FGD4: variants seen among roughly 807,000 people sequenced by gnomAD.
FGD4 encodes the protein FYVE, RhoGEF and PH domain containing 4.
FGD4 carries 42 observed loss-of-function variants against 102.0 expected under a neutral mutation model. The observed-to-expected ratio is 0.41, with a 90% CI of 0.32 to 0.53. The LOEUF (loss-of-function observed/expected upper bound fraction) is 0.53. Among genes scored for constraint, FGD4 ranks in the 20% least tolerant of loss-of-function variants. The pLI, the probability that FGD4 is intolerant of heterozygous loss-of-function variation, is 0.21. For synonymous variants in FGD4, 380 were observed against 375.7 expected (o/e 1.01, Z -0.13); for missense variants, 902 against 1,078.2 (o/e 0.84, Z 2.29).
intron 1 of FGD4, among the ~76,000 whole-genome samples, chr12:32,455,838 A>C (rs541011724): frequency 3.7e-4 from 57 of 152,284 alleles, no homozygotes; most frequent in Admixed American, 3.3e-3. Flanking sequence ...GCTATAAATG[A>C]ATTAAATAAT....
intron 4 of FGD4, among the ~76,000 whole-genome samples, chr12:32,591,495 A>G (rs768912469): frequency 6.6e-6 from 1 of 152,216 alleles, no homozygotes; most frequent in Non-Finnish European, 1.5e-5. Flanking sequence ...GGAAATCATA[A>G]TTGTTTTTAG....
chr12:32,515,661 T>C (rs1939812284), intron 1 of FGD4, among the ~76,000 whole-genome samples: 1 of 152,250 alleles, frequency 6.6e-6, no homozygotes. Flanking sequence ...TGCACTGACA[T>C]TGAGCATTGC....
chr12:32,483,567 A>G (rs949688161), intron 1 of FGD4, among the ~76,000 whole-genome samples: 11 of 152,222 alleles, frequency 7.2e-5, no homozygotes, highest in African/African-American at 2.7e-4. Context: ...CATACTCATG[A>G]GGATCCTTCT....
intron 2 of FGD4, among the ~76,000 whole-genome samples, chr12:32,568,953 A>T (rs1156873084): frequency 6.6e-6 from 1 of 152,158 alleles, no homozygotes; most frequent in Non-Finnish European, 1.5e-5. Flanking sequence ...AGAGATCTCA[A>T]ATTTAGTGTA....
intron 1 of FGD4, among the ~76,000 whole-genome samples, chr12:32,512,134 G>T (rs947880658): frequency 2.0e-5 from 3 of 152,042 alleles, no homozygotes; most frequent in African/African-American, 7.2e-5. Flanking sequence ...GAAAGTTGTG[G>T]CTTGAGGGCT....
chr12:32,527,602 G>T (rs1053719338), intron 1 of FGD4, among the ~76,000 whole-genome samples: 1 of 152,042 alleles, frequency 6.6e-6, no homozygotes, highest in African/African-American at 2.4e-5. Flanking sequence ...GCTAATTTTT[G>T]TATTTTTAGT....
At chr12:32,436,911 A>G (rs979033146) in intron 1 of FGD4, among the ~76,000 whole-genome samples, 2 of 152,172 alleles carry the variant, frequency 1.3e-5, no homozygotes, top group African/African-American at 4.8e-5. Flanking sequence ...TGAGATCAGG[A>G]GTTCGAGACC....
intron 1 of FGD4, among the ~76,000 whole-genome samples, chr12:32,481,127 C>CAAAA (rs1157108520): frequency 0.11 from 2,958 of 27,332 alleles, 1,017 homozygotes; most frequent in Non-Finnish European, 0.14. Flanking sequence ...GACTCCGTCT[C>CAAAA]AAAAAAAAAA....
chr12:32,421,689 T>C (rs1352902977), intron 1 of FGD4, among the ~76,000 whole-genome samples: 2 of 152,206 alleles, frequency 1.3e-5, no homozygotes, highest in African/African-American at 4.8e-5. Context: ...AAGGACTCCT[T>C]TCTTCTGCTG....
At chr12:32,520,239 A>G (rs952111726) in intron 1 of FGD4, among the ~76,000 whole-genome samples, 3 of 149,730 alleles carry the variant, frequency 2.0e-5, no homozygotes, top group South Asian at 2.1e-4. Flanking sequence ...AAATTGCTGT[A>G]TTGTGAAATA....
chr12:32,610,701 A>T, intron 8 of FGD4, 75 bp from the exon 9 acceptor site: 1 of 1,336,100 alleles, frequency 7.5e-7, no homozygotes, highest in Non-Finnish European at 1.1e-6. Context: ...TTCTTAATTT[A>T]GTAAGTTACT....
chr12:32,415,634 G>A (rs897150447), intron 1 of FGD4, among the ~76,000 whole-genome samples: 4 of 152,046 alleles, frequency 2.6e-5, no homozygotes, highest in Admixed American at 6.6e-5. Context: ...TATTAGCCAG[G>A]ATTGTCTTGA....
chr12:32,525,398 AC>A (rs1941038347), intron 1 of FGD4, among the ~76,000 whole-genome samples: 1 of 152,256 alleles, frequency 6.6e-6, no homozygotes, highest in Admixed American at 6.5e-5. Context: ...ACTATATGTA[AC>A]TGGAATTGTA....
At chr12:32,454,124 A>G (rs1942887472) in intron 1 of FGD4, among the ~76,000 whole-genome samples, 1 of 152,164 alleles carries the variant, frequency 6.6e-6, no homozygotes, top group Admixed American at 6.5e-5. Flanking sequence ...AATTCCTGAT[A>G]GCATTGAGGA....
chr12:32,592,801 T>G (rs961322831), intron 4 of FGD4, among the ~76,000 whole-genome samples: 5 of 152,216 alleles, frequency 3.3e-5, no homozygotes, highest in South Asian at 2.1e-4. Context: ...TGACTGTATT[T>G]TGTATACCTA....
At chr12:32,469,528 G>A (rs892507729) in intron 1 of FGD4, among the ~76,000 whole-genome samples, 4 of 152,014 alleles carry the variant, frequency 2.6e-5, no homozygotes, top group Non-Finnish European at 5.9e-5. Context: ...CAGTCTACCC[G>A]CCTCAGCCTC....
At chr12:32,439,060 A>G (rs1474661369) in intron 1 of FGD4, among the ~76,000 whole-genome samples, 3 of 152,206 alleles carry the variant, frequency 2.0e-5, no homozygotes, top group African/African-American at 7.2e-5. Context: ...CAATAGATCT[A>G]TTGAACTTAT....
intron 1 of FGD4, among the ~76,000 whole-genome samples, chr12:32,445,005 G>A (rs1942571110): frequency 6.6e-6 from 1 of 152,188 alleles, no homozygotes; most frequent in African/African-American, 2.4e-5. Flanking sequence ...GGTCATTGAT[G>A]AGTAAGTTCC....
intron 1 of FGD4, among the ~76,000 whole-genome samples, chr12:32,529,213 C>G (rs1345383859): frequency 6.6e-6 from 1 of 152,136 alleles, no homozygotes; most frequent in Non-Finnish European, 1.5e-5. Flanking sequence ...CTCCCAGATT[C>G]AAGCTATCCT....
Sources: allele counts gnomAD v4.1 joint callset (sites outside exome capture counted in the v4.1 genomes callset), GRCh38; gene constraint gnomAD v4.1.1; transcripts MANE v1.5; gene names NCBI Gene and HGNC (gene_info 2026-07-23, HGNC 2026-07-21).